Variants in MEIS2 observed in about 807,000 individuals in gnomAD.
MEIS2 encodes Meis homeobox 2.
MEIS2 carries 9 observed loss-of-function variants against 58.6 expected under a neutral mutation model. The observed-to-expected ratio is 0.15, with a 90% CI of 0.09 to 0.27. MEIS2 has a LOEUF of 0.27. MEIS2 is among the 10% of genes least tolerant of loss of function. The pLI is 1.00. For synonymous variants in MEIS2, 221 were observed against 228.4 expected (o/e 0.97, Z 0.29); for missense variants, 427 against 635.0 (o/e 0.67, Z 3.52).
At chr15:36,962,063 A>G (rs1324724483) in intron 8 of MEIS2, among the ~76,000 whole-genome samples, 2 of 152,226 alleles carry the variant, frequency 1.3e-5, no homozygotes, top group East Asian at 3.8e-4. Flanking sequence ...GGTATGAACC[A>G]CTATGGCCAG....
intron 9 of MEIS2, among the ~76,000 whole-genome samples, chr15:36,934,043 C>T (rs1329398352): frequency 6.6e-6 from 1 of 152,130 alleles, no homozygotes; most frequent in Admixed American, 6.5e-5. Flanking sequence ...TAAAAGCTAA[C>T]ATTTTCTTTT....
At chr15:36,950,178 AC>A (rs1283075121) in intron 9 of MEIS2, 145 bp downstream of exon 9, 1 of 624,882 alleles carries the variant, frequency 1.6e-6, no homozygotes, top group African/African-American at 1.9e-5. Flanking sequence ...CTCCCTAATC[AC>A]CCCTTTCACA....
intron 8 of MEIS2, among the ~76,000 whole-genome samples, chr15:37,003,999 T>C (rs1033029216): frequency 2.6e-5 from 4 of 152,200 alleles, no homozygotes; most frequent in African/African-American, 9.6e-5. Flanking sequence ...ATAAACTGAA[T>C]AGTTTATGGT....
intron 8 of MEIS2, among the ~76,000 whole-genome samples, chr15:36,980,775 G>A (rs2059906290): frequency 6.6e-6 from 1 of 151,964 alleles, no homozygotes; most frequent in Admixed American, 6.6e-5. Context: ...TCTCCCATTT[G>A]AAATGTCATC....
chr15:36,998,031 G>A (rs1473030770), intron 8 of MEIS2, among the ~76,000 whole-genome samples: 1 of 152,008 alleles, frequency 6.6e-6, no homozygotes, highest in Admixed American at 6.6e-5. Flanking sequence ...AAACACTTAA[G>A]GACACTGTAC....
At chr15:37,005,843 G>A (rs1168956635) in intron 8 of MEIS2, among the ~76,000 whole-genome samples, 3 of 152,150 alleles carry the variant, frequency 2.0e-5, no homozygotes, top group African/African-American at 7.2e-5. Flanking sequence ...ACAGGTGTAC[G>A]CCACTGGGCC....
chr15:36,899,860 G>A (rs995484857), intron 9 of MEIS2, among the ~76,000 whole-genome samples: 3 of 152,094 alleles, frequency 2.0e-5, no homozygotes, highest in East Asian at 1.9e-4. Flanking sequence ...AATTTCACAC[G>A]GGTTTAAAAA....
At chr15:37,095,883 C>T (rs1281528939) in intron 3 of MEIS2, 1 of 533,722 alleles carries the variant, frequency 1.9e-6, no homozygotes, top group Non-Finnish European at 3.3e-6. Flanking sequence ...CCATATCCAG[C>T]AGTCCAAGAG....
At chr15:37,056,140 T>C (rs1011073352) in intron 7 of MEIS2, among the ~76,000 whole-genome samples, 1 of 152,216 alleles carries the variant, frequency 6.6e-6, no homozygotes, top group Non-Finnish European at 1.5e-5. Flanking sequence ...CAGAGCAAAC[T>C]GCATCAATTT....
intron 8 of MEIS2, among the ~76,000 whole-genome samples, chr15:36,976,246 A>C (rs529147954): frequency 6.6e-6 from 1 of 151,662 alleles, no homozygotes; most frequent in Non-Finnish European, 1.5e-5. Context: ...CACCATGCCC[A>C]GCTAATTTTT....
At chr15:36,994,620 TTATTA>T (rs768391070) in intron 8 of MEIS2, among the ~76,000 whole-genome samples, 18 of 152,324 alleles carry the variant, frequency 1.2e-4, no homozygotes, top group African/African-American at 2.9e-4. Context: ...ATGCAGCACA[TTATTA>T]TATTATATCA....
intron 8 of MEIS2, among the ~76,000 whole-genome samples, chr15:36,975,343 C>T (rs576872043): frequency 1.9e-4 from 29 of 152,260 alleles, no homozygotes; most frequent in African/African-American, 7.0e-4. Flanking sequence ...CCCAAAAGGC[C>T]TGTGACTGCC....
At chr15:36,967,534 C>T (rs936498817) in intron 8 of MEIS2, among the ~76,000 whole-genome samples, 4 of 152,208 alleles carry the variant, frequency 2.6e-5, no homozygotes, top group Admixed American at 6.5e-5. Flanking sequence ...CTAGCAAGTA[C>T]ACAAGACATC....
intron 7 of MEIS2, among the ~76,000 whole-genome samples, chr15:37,063,374 G>T (rs1469187811): frequency 1.3e-5 from 2 of 152,124 alleles, no homozygotes; most frequent in Non-Finnish European, 2.9e-5. Flanking sequence ...TGCAGACAGG[G>T]TGTGGTACCC....
chr15:36,939,577 T>C (rs2058304245), intron 9 of MEIS2, among the ~76,000 whole-genome samples: 1 of 151,960 alleles, frequency 6.6e-6, no homozygotes, highest in Admixed American at 6.6e-5. Flanking sequence ...AATGATTTAC[T>C]GGTGTTATTG....
chr15:37,098,264 A>G, intron 1 of MEIS2, 65 bp from the exon 2 acceptor site: 2 of 1,470,036 alleles, frequency 1.4e-6, no homozygotes, highest in East Asian at 4.9e-5. Context: ...GGGGGGTGGA[A>G]AGGGAAAAAG....
At chr15:37,053,956 CA>C (rs1224760628) in intron 7 of MEIS2, among the ~76,000 whole-genome samples, 1 of 152,164 alleles carries the variant, frequency 6.6e-6, no homozygotes, top group Non-Finnish European at 1.5e-5. Context: ...TTGATTACCA[CA>C]ACCAAGTGTA....
chr15:37,017,571 C>T (rs1328258884), intron 8 of MEIS2, among the ~76,000 whole-genome samples: 1 of 152,098 alleles, frequency 6.6e-6, no homozygotes, highest in Non-Finnish European at 1.5e-5. Context: ...CCACTGCACT[C>T]CAGCCTAGGC....
intron 9 of MEIS2, among the ~76,000 whole-genome samples, chr15:36,944,406 C>T (rs1380290247): frequency 2.6e-5 from 4 of 152,060 alleles, no homozygotes; most frequent in Admixed American, 6.6e-5. Context: ...AGATTAGAAA[C>T]TCTACTGCTA....
Sources: gnomAD v4.1 joint callset for allele counts (sites outside exome capture counted in the v4.1 genomes callset) on GRCh38, gnomAD v4.1.1 for gene constraint, MANE v1.5 for transcripts, NCBI Gene and HGNC (gene_info 2026-07-23, HGNC 2026-07-21) for gene names.